CLSTN2: variants seen among roughly 807,000 people sequenced by gnomAD.
CLSTN2 encodes calsyntenin 2.
CLSTN2 carries 48 observed loss-of-function variants against 101.2 expected under a neutral mutation model. The ratio of observed to expected loss-of-function variants is 0.47; its 90% confidence interval spans 0.38 to 0.60. The LOEUF is 0.60. CLSTN2 is among the 20% of genes least tolerant of loss of function. CLSTN2 has a pLI of 0.00. For synonymous variants in CLSTN2, 481 were observed against 463.6 expected, an observed-to-expected ratio of 1.04 and a Z score of -0.48; for missense variants, 1,160 against 1,238.2, an observed-to-expected ratio of 0.94 and a Z score of 0.95.
chr3:140,246,927 A>G (rs936968178), intron 2 of CLSTN2, among the ~76,000 whole-genome samples: 1 of 152,148 alleles, frequency 6.6e-6, no homozygotes, highest in Admixed American at 6.5e-5. Flanking sequence ...TAAAATGGAA[A>G]TAATAATGCT....
chr3:139,981,166 C>A (rs894405492), intron 1 of CLSTN2, among the ~76,000 whole-genome samples: 4 of 152,126 alleles, frequency 2.6e-5, no homozygotes, highest in African/African-American at 9.7e-5. Flanking sequence ...TGGAAAATGT[C>A]ATTCTCTCAA....
chr3:140,255,970 C>T (rs1415620392), intron 2 of CLSTN2, among the ~76,000 whole-genome samples: 4 of 152,110 alleles, frequency 2.6e-5, no homozygotes, highest in East Asian at 1.9e-4. Flanking sequence ...TGGAATACTA[C>T]GATCCTCAAA....
chr3:140,188,847 T>A (rs1354181967), intron 2 of CLSTN2, among the ~76,000 whole-genome samples: 1 of 152,042 alleles, frequency 6.6e-6, no homozygotes, highest in African/African-American at 2.4e-5. Flanking sequence ...ACAACCAAAA[T>A]ATCGATATTA....
At chr3:140,566,004 C>T in intron 16 of CLSTN2, 49 bp from the exon 17 acceptor site, 1 of 1,610,168 alleles carries the variant, frequency 6.2e-7, no homozygotes, top group Non-Finnish European at 8.5e-7. Flanking sequence ...TCCAAAATGG[C>T]CTCTGTTCAG....
chr3:140,051,506 G>C (rs1273952904), intron 1 of CLSTN2, among the ~76,000 whole-genome samples: 1 of 152,154 alleles, frequency 6.6e-6, no homozygotes, highest in Admixed American at 6.5e-5. Flanking sequence ...CTGCTGAACA[G>C]GCAAAAGGAT....
intron 8 of CLSTN2, among the ~76,000 whole-genome samples, chr3:140,490,902 G>A (rs1261870243): frequency 6.6e-6 from 1 of 152,148 alleles, no homozygotes; most frequent in African/African-American, 2.4e-5. Context: ...CTTTCTCACT[G>A]CACTTGATCA....
chr3:140,275,635 A>G (rs1302246348), intron 2 of CLSTN2, among the ~76,000 whole-genome samples: 1 of 152,100 alleles, frequency 6.6e-6, no homozygotes, highest in Non-Finnish European at 1.5e-5. Context: ...AGGAAGCCCC[A>G]CATAAGAAGC....
At chr3:140,217,438 A>C (rs2010934604) in intron 2 of CLSTN2, among the ~76,000 whole-genome samples, 1 of 152,138 alleles carries the variant, frequency 6.6e-6, no homozygotes, top group South Asian at 2.1e-4. Context: ...TTCAACCCAC[A>C]ATGAACCTGC....
intron 2 of CLSTN2, among the ~76,000 whole-genome samples, chr3:140,305,682 C>A (rs1017070499): frequency 1.3e-5 from 2 of 152,034 alleles, no homozygotes; most frequent in Non-Finnish European, 2.9e-5. Flanking sequence ...TTGGGGGGCC[C>A]TTAATAGAGC....
chr3:140,227,393 T>A (rs1415975670), intron 2 of CLSTN2, among the ~76,000 whole-genome samples: 1 of 152,164 alleles, frequency 6.6e-6, no homozygotes, highest in African/African-American at 2.4e-5. Context: ...ATGCAAGAAG[T>A]TGGTTTCTAT....
intron 1 of CLSTN2, among the ~76,000 whole-genome samples, chr3:139,973,782 A>T (rs1471028078): frequency 6.6e-6 from 1 of 152,080 alleles, no homozygotes; most frequent in Non-Finnish European, 1.5e-5. Flanking sequence ...GCAACTACAG[A>T]TGTGTGCCAC....
At chr3:140,361,434 C>T (rs1416229477) in intron 2 of CLSTN2, among the ~76,000 whole-genome samples, 1 of 152,136 alleles carries the variant, frequency 6.6e-6, no homozygotes, top group Non-Finnish European at 1.5e-5. Flanking sequence ...GGTAAGGATA[C>T]TCATTCTCCA....
intron 2 of CLSTN2, among the ~76,000 whole-genome samples, chr3:140,360,553 C>T (rs547784516): frequency 3.9e-5 from 6 of 152,158 alleles, no homozygotes; most frequent in South Asian, 2.1e-4. Flanking sequence ...GTAATGAGAA[C>T]GTGCTGTGCA....
intron 1 of CLSTN2, among the ~76,000 whole-genome samples, chr3:139,997,514 G>A (rs2006697325): frequency 6.6e-6 from 1 of 152,108 alleles, no homozygotes; most frequent in Non-Finnish European, 1.5e-5. Context: ...CCATGTATAT[G>A]AAGATCTCTT....
In CLSTN2 at chr3:140,071,832, A is replaced by AAAATAAATAAATAAATAAAT. The variant is rs142873442; in HGVS notation, c.110-104107_110-104088dup. 4.6e-3 allele frequency among the ~76,000 whole-genome samples: 695 copies of AAAATAAATAAATAAATAAAT among 149,834 alleles called. 7 individuals are homozygous for AAAATAAATAAATAAATAAAT. The highest frequency in any genetic ancestry group is 0.016 in the African/African-American group (628 of 40,054). On this transcript the variant is annotated intron_variant, in intron 1 of 16. Transcript: ENST00000458420. Reference sequence around the variant, plus strand: ...GGGGACAGAGTGAGACTCCGTCTAAAAAATAAATAAATAAATAAATAAATA... The same window carrying AAAATAAATAAATAAATAAAT: ...GGGGACAGAGTGAGACTCCGTCTAAAAAATAAATAAATAAATAAATAAATAAATAAATAAATAAATAAATA...
chr3:140,153,519 G>A lies in CLSTN2; in HGVS notation c.110-22432G>A, dbSNP rs141596717. Among the ~76,000 whole-genome samples the A allele has an allele frequency of 1.8e-4, 27 of 152,364 alleles. No individual in the cohort carries two copies. The East Asian group carries it at 4.8e-3, about 27-fold the overall frequency. ...CAGCCAGTGATGCTGAAAGAGCTAT[G>A]AAGCCTGGGTGCACCTGTGTGTATG... On this transcript the variant is annotated intron_variant, in intron 1 of 16. Coordinates refer to ENST00000458420, the MANE Select transcript of CLSTN2 (RefSeq NM_022131.3).
intron 1 of CLSTN2, among the ~76,000 whole-genome samples, chr3:139,977,468 A>C (rs1576383577): frequency 6.6e-6 from 1 of 151,252 alleles, no homozygotes; most frequent in Non-Finnish European, 1.5e-5. Context: ...ACCTAGATTG[A>C]TCTTGAGTAA....
intron 1 of CLSTN2, among the ~76,000 whole-genome samples, chr3:140,064,420 G>A (rs1275118603): frequency 1.3e-5 from 2 of 152,174 alleles, no homozygotes; most frequent in Non-Finnish European, 2.9e-5. Flanking sequence ...TGCCTATGGA[G>A]AATCATGTTT....
intron 1 of CLSTN2, among the ~76,000 whole-genome samples, chr3:140,087,548 T>C (rs2008701240): frequency 6.6e-6 from 1 of 152,214 alleles, no homozygotes; most frequent in Admixed American, 6.5e-5. Flanking sequence ...CTTCCCATCA[T>C]CAATTTAATC....
Sources: gnomAD v4.1 joint callset for allele counts (sites outside exome capture counted in the v4.1 genomes callset) on GRCh38, gnomAD v4.1.1 for gene constraint, MANE v1.5 for transcripts, NCBI Gene and HGNC (gene_info 2026-07-23, HGNC 2026-07-21) for gene names.